GTPBP4: variants seen among roughly 807,000 people sequenced by gnomAD.
GTPBP4 encodes the protein GTP-binding protein 4.
GTPBP4 carries 15 observed loss-of-function variants against 81.7 expected under a neutral mutation model. The ratio of observed to expected loss-of-function variants is 0.18; its 90% CI spans 0.12 to 0.28. The LOEUF is 0.28. Among genes scored for constraint, GTPBP4 ranks in the 10% least tolerant of loss-of-function variants. The probability of loss-of-function intolerance (pLI) is 1.00; values close to 1 mark genes in which losing one functional copy is unlikely to be tolerated. For synonymous variants in GTPBP4, 272 were observed against 274.6 expected, an observed-to-expected ratio of 0.99 and a Z score of 0.09; for missense variants, 847 against 793.8, an observed-to-expected ratio of 1.07 and a Z score of -0.81.
At position 1,017,166 on chromosome 10, in the gene GTPBP4, A is replaced by G; in HGVS notation, c.1844A>G (p.Asp615Gly). ...GGGGAGGCGGATAGACACGTGTTTGATATGAAGCCCAAGCACTTGCTGTCT... is the reference window on the plus strand; with the variant it reads ...GGGGAGGCGGATAGACACGTGTTTGGTATGAAGCCCAAGCACTTGCTGTCT... ...KKGEADRHVF[D>G]MKPKHLLSGK... Residue 615 changes from aspartate to glycine, a missense_variant, in exon 17 of 17, where the codon GAT (aspartate) becomes GGT (glycine). This residue lies in a region of GTPBP4 where 600 missense variants were observed against 557.1 expected (regional missense o/e 1.08). Transcript: ENST00000360803. The G allele has an allele frequency of 6.2e-7, 1 of 1,613,900 alleles. No individual in the cohort carries two copies. Among genetic ancestry groups the G allele is most frequent in the South Asian group, 1.1e-5 (1 of 91,080 alleles).
In GTPBP4 at chr10:996,221, A is replaced by T. The variant is rs958602588; in HGVS notation, c.439A>T (p.Ser147Cys). The T allele has an allele frequency of 1.2e-6, 2 of 1,613,272 alleles. No homozygotes were observed. The highest frequency in any genetic ancestry group is 1.7e-6 in the Non-Finnish European group (2 of 1,179,596). The change falls in exon 4 of 17, where the codon AGT becomes TGT. Residue 147 changes from serine to cysteine, a missense_variant. Coordinates refer to ENST00000360803, the MANE Select transcript of GTPBP4 (RefSeq NM_012341.3). The part of the protein sequence containing the change: ...MCTVIKRQKQ[S>C]LEYLEQVRQH... ...CACAGTGATCAAGAGGCAGAAGCAG[A>T]GTTTGGAGTATTTGGAGCAAGGTGC...
chr10:988,747 C>CTA, intron 1 of GTPBP4: 1 of 559,634 alleles, frequency 1.8e-6, no homozygotes, highest in Non-Finnish European at 3.2e-6. Context: ...CGGGGTCCAC[C>CTA]TAAGACCGTG....
Position 1,010,532 on chromosome 10 carries a change from T to C in GTPBP4, c.1344+12T>C, listed in dbSNP as rs199810750. On this transcript the variant is annotated intron_variant, in intron 13 of 16. Coordinates refer to ENST00000360803, the MANE Select transcript of GTPBP4 (RefSeq NM_012341.3). ...CAGCCATCATGAAGGTTTGTGTCAC[T>C]TTTTAAATTGCGGATTGTTTTCCTT... 35 of 1,346,612 alleles carry C rather than the reference T, an allele frequency of 2.6e-5. No homozygotes were observed. The Admixed American group carries it at 2.7e-4, about 10-fold the overall frequency. 83.4% of individuals were successfully genotyped at this position (1,346,612 alleles called of 1,614,324 possible). A position where few individuals can be genotyped will look rare whatever the true frequency, so the allele number is the denominator to read the frequency against.
chr10:992,581 C>T lies in GTPBP4; in HGVS notation c.141C>T (p.Tyr47=). ...AAATACATCGCATTAGACATTTTTA[C>T]ATGAGAAAAGTCAAATTTACTCAAC... ...HYQIHRIRHF[Y]MRKVKFTQQN... is the part of the protein sequence containing the mutation. The change falls in exon 2 of 17, where the codon TAC becomes TAT. Residue 47 remains tyrosine, a synonymous_variant. Coordinates refer to ENST00000360803, the MANE Select transcript of GTPBP4 (RefSeq NM_012341.3). 6.3e-7 allele frequency: 1 copy of T among 1,599,588 alleles called. No individual in the cohort carries two copies. Among genetic ancestry groups the T allele is most frequent in the Non-Finnish European group, 8.6e-7 (1 of 1,167,164 alleles).
At chr10:1,011,579 A>G (rs61833306) in intron 13 of GTPBP4, among the ~76,000 whole-genome samples, 2,651 of 146,010 alleles carry the variant, frequency 0.018, 45 homozygotes, top group Non-Finnish European at 0.027. Flanking sequence ...TGCCATCTGC[A>G]TGTCCCATGT....
At position 1,000,559 on chromosome 10, in the gene GTPBP4, A is replaced by G. The variant is rs116714211; in HGVS notation, c.655-118A>G. On this transcript the variant is annotated intron_variant, in intron 6 of 16. Coordinates refer to ENST00000360803, the MANE Select transcript of GTPBP4 (RefSeq NM_012341.3). ...GCCCTACTTTTTTTTTTTTTTAACT[A>G]CAATTCTGCTGTAAGATTATTAGGT... is the stretch of plus-strand genomic sequence containing the variant. The G allele has an allele frequency of 1.5e-3, 709 of 486,558 alleles. 7 individuals are homozygous for G. The highest frequency in any genetic ancestry group is 0.013 in the African/African-American group (643 of 49,004). The allele number at this position is 486,558 out of a possible 1,614,324, so 30.1% of individuals were successfully genotyped here.
chr10:1,005,277 C>A (rs1445923908), intron 8 of GTPBP4, among the ~76,000 whole-genome samples: 1 of 152,192 alleles, frequency 6.6e-6, no homozygotes, highest in Non-Finnish European at 1.5e-5. Context: ...TCCCGAGTAG[C>A]TGGGACTACA....
rs7070087 is a variant in GTPBP4, at chr10:1,006,984, G to A, written c.1003-34G>A. 8.3e-4 allele frequency: 1,107 copies of A among 1,340,528 alleles called. 15 individuals carry two copies. The African/African-American group carries it at 0.014, about 17-fold the overall frequency. 83.0% of individuals were successfully genotyped at this position (1,340,528 alleles called of 1,614,324 possible). A position where few individuals can be genotyped will look rare whatever the true frequency, so the allele number is the denominator to read the frequency against. ...GTAGCTGGAGGCTGCTGGAGGATGC[G>A]TTTGTGACTGTGCCTTCTTTTTTAC... On this transcript the variant is annotated intron_variant, in intron 9 of 16. Coordinates refer to ENST00000360803, the MANE Select transcript of GTPBP4 (RefSeq NM_012341.3).
intron 9 of GTPBP4, 91 bp from the exon 10 acceptor site, chr10:1,006,927 G>T: frequency 1.3e-6 from 1 of 791,498 alleles, no homozygotes; most frequent in Non-Finnish European, 2.2e-6. Context: ...AAAAGGCTCA[G>T]TGGCTCTGAT....
intron 2 of GTPBP4, among the ~76,000 whole-genome samples, chr10:993,218 C>G (rs1448930152): frequency 1.3e-5 from 2 of 152,128 alleles, no homozygotes; most frequent in Non-Finnish European, 2.9e-5. Context: ...CCTTGAGCTC[C>G]TTTCTCTGCT....
intron 5 of GTPBP4, 134 bp downstream of exon 5, chr10:997,442 C>T (rs73590140): frequency 3.9e-4 from 273 of 706,806 alleles, no homozygotes; most frequent in African/African-American, 3.9e-3. Context: ...GGATTCAGGA[C>T]GGCCTTGGTA....
At chr10:1,001,247 C>T (rs1831625921) in intron 8 of GTPBP4, among the ~76,000 whole-genome samples, 1 of 152,200 alleles carries the variant, frequency 6.6e-6, no homozygotes, top group Non-Finnish European at 1.5e-5. Flanking sequence ...GTGGAAGCAT[C>T]TGTATTTGAT....
chr10:1,013,982 C>G (rs548718911), intron 14 of GTPBP4, among the ~76,000 whole-genome samples: 20 of 152,316 alleles, frequency 1.3e-4, no homozygotes, highest in Non-Finnish European at 2.2e-4. Context: ...GACGGTCACT[C>G]TCTCCCCCGT....
At position 989,589 on chromosome 10, in the gene GTPBP4, C is replaced by A. The variant is rs183839276; in HGVS notation, c.48+1062C>A. Among the ~76,000 whole-genome samples the A allele has an allele frequency of 4.6e-5, 7 of 152,288 alleles. No individual in the cohort carries two copies. The East Asian group carries it at 1.2e-3, about 25-fold the overall frequency. On this transcript the variant is annotated intron_variant, in intron 1 of 16. Transcript: ENST00000360803. ...CCCCTCGTCAGTGCCTCCTTTTCTTCAGGTCTCAAGGACGGGATGAGCTTG... is the reference window on the plus strand; with the variant it reads ...CCCCTCGTCAGTGCCTCCTTTTCTTAAGGTCTCAAGGACGGGATGAGCTTG...
At chr10:998,859 A>T in intron 5 of GTPBP4, 144 bp from the exon 6 acceptor site, 1 of 609,928 alleles carries the variant, frequency 1.6e-6, no homozygotes. Flanking sequence ...AGGGAGAGGT[A>T]CCAGGCTCCT....
In GTPBP4 at chr10:1,018,463, CT is replaced by C. The variant is rs1209496266; in HGVS notation, c.*1239del. The stretch of plus-strand genomic sequence containing the variant: ...AATACCAGGTCTGGTTTTTGAAATT[CT>C]TTCTCCGTATTAAACACCAAAACTT... On this transcript the variant is annotated 3_prime_UTR_variant, in exon 17 of 17. Transcript: ENST00000360803. The C allele has an allele frequency of 6.7e-6, 1 of 149,390 alleles. No individual in the cohort carries two copies. Among genetic ancestry groups the C allele is most frequent in the Non-Finnish European group, 1.5e-5 (1 of 67,476 alleles). The allele number at this position is 149,390 out of a possible 1,614,324, so 9.3% of individuals were successfully genotyped here.
intron 16 of GTPBP4, among the ~76,000 whole-genome samples, chr10:1,016,168 C>G (rs1831989203): frequency 6.6e-6 from 1 of 152,168 alleles, no homozygotes; most frequent in Non-Finnish European, 1.5e-5. Flanking sequence ...GCAGTCTGGG[C>G]TTAGACCCTG....
At chr10:1,008,586 T>C (rs150738293) in intron 10 of GTPBP4, among the ~76,000 whole-genome samples, 29 of 152,352 alleles carry the variant, frequency 1.9e-4, no homozygotes, top group African/African-American at 3.6e-4. Context: ...CACTTGAGTT[T>C]ATGTCTAAAT....
rs577712767 is a variant in GTPBP4, at chr10:996,938, G to A, written c.461-270G>A. On this transcript the variant is annotated intron_variant, in intron 4 of 16. Transcript: ENST00000360803. ...CTGGACACTGCCAGACATGCTGTTGGCCCCACCTGTCACCTAATGAATTAA... is the reference window on the plus strand; with the variant it reads ...CTGGACACTGCCAGACATGCTGTTGACCCCACCTGTCACCTAATGAATTAA... 7.1e-5 allele frequency: 30 copies of A among 424,582 alleles called. No homozygotes were observed. In the East Asian group the frequency reaches 1.4e-3, roughly 20 times the overall value. 26.3% of individuals were successfully genotyped at this position (424,582 alleles called of 1,614,324 possible). A position where few individuals can be genotyped will look rare whatever the true frequency, so the allele number is the denominator to read the frequency against.
Sources: allele counts gnomAD v4.1 joint callset (sites outside exome capture counted in the v4.1 genomes callset), GRCh38; gene constraint gnomAD v4.1.1; regional missense constraint gnomAD v4.1.1; transcripts MANE v1.5; gene names NCBI Gene and HGNC (gene_info 2026-07-23, HGNC 2026-07-21).